The following HMG20A variants were observed in gnomAD, a reference collection of about 807,000 sequenced individuals.
HMG20A encodes high mobility group 20A.
In HMG20A, 17 loss-of-function variants were observed where a neutral mutation model predicts 43.9. The observed-to-expected ratio is 0.39, with a 90% confidence interval of 0.27 to 0.58. The LOEUF is 0.58. HMG20A is among the 20% of genes least tolerant of loss of function. The pLI, the probability that HMG20A is intolerant of heterozygous loss-of-function variation, is 0.59. For synonymous variants in HMG20A, 132 were observed against 147.5 expected (o/e 0.89, Z 0.76); for missense variants, 341 against 438.2 (o/e 0.78, Z 1.98).
chr15:77,467,036 T>G, intron 3 of HMG20A, 59 bp from the exon 4 acceptor site: 1 of 1,393,020 alleles, frequency 7.2e-7, no homozygotes, highest in Non-Finnish European at 1.0e-6. Context: ...TGTTGTTGGG[T>G]TATTTTGGGA....
chr15:77,435,283 G>C (rs1408474272), intron 1 of HMG20A, among the ~76,000 whole-genome samples: 1 of 152,024 alleles, frequency 6.6e-6, no homozygotes, highest in Non-Finnish European at 1.5e-5. Context: ...CATAATTTTT[G>C]TTTTATAGTC....
At chr15:77,422,820 A>T (rs1278686591) in intron 1 of HMG20A, among the ~76,000 whole-genome samples, 1 of 152,178 alleles carries the variant, frequency 6.6e-6, no homozygotes, top group Non-Finnish European at 1.5e-5. Context: ...AGCAAGACAA[A>T]ACATTGTCTT....
intron 1 of HMG20A, among the ~76,000 whole-genome samples, chr15:77,429,068 C>T (rs2073456841): frequency 6.6e-6 from 1 of 151,836 alleles, no homozygotes; most frequent in Non-Finnish European, 1.5e-5. Context: ...GTTGGCCGGG[C>T]ACAGTGGTTT....
At chr15:77,469,619 G>A (rs1346306531) in intron 4 of HMG20A, among the ~76,000 whole-genome samples, 4 of 152,206 alleles carry the variant, frequency 2.6e-5, no homozygotes, top group Non-Finnish European at 5.9e-5. Flanking sequence ...TTACAGATAT[G>A]AGCCACCATG....
intron 1 of HMG20A, among the ~76,000 whole-genome samples, chr15:77,457,294 GT>G (rs1394959942): frequency 6.6e-6 from 1 of 152,150 alleles, no homozygotes; most frequent in Non-Finnish European, 1.5e-5. Flanking sequence ...TTTAATTGCT[GT>G]TTCACCAGGT....
chr15:77,499,834 CTT>C, the HMG20A span, among the ~76,000 whole-genome samples: 70 of 145,344 alleles, frequency 4.8e-4, no homozygotes, highest in Admixed American at 8.2e-4. Context: ...TTTTTCTTTT[CTT>C]TTTTTTTTTT....
intron 1 of HMG20A, among the ~76,000 whole-genome samples, chr15:77,445,193 T>C (rs1166261835): frequency 6.6e-6 from 1 of 152,244 alleles, no homozygotes. Flanking sequence ...TTAGGATTTA[T>C]TGCCTGTAAA....
At chr15:77,428,268 AAAG>A (rs540528666) in intron 1 of HMG20A, among the ~76,000 whole-genome samples, 36 of 152,328 alleles carry the variant, frequency 2.4e-4, no homozygotes, top group Admixed American at 2.2e-3. Flanking sequence ...TGATGGTAAC[AAAG>A]AAGGAGGAAG....
At chr15:77,433,776 G>A (rs2073515370) in intron 1 of HMG20A, among the ~76,000 whole-genome samples, 1 of 152,190 alleles carries the variant, frequency 6.6e-6, no homozygotes, top group South Asian at 2.1e-4. Context: ...GGTAGTCATA[G>A]ATTGGAAGAC....
the HMG20A span, among the ~76,000 whole-genome samples, chr15:77,496,478 T>A: frequency 6.6e-6 from 1 of 152,222 alleles, no homozygotes; most frequent in Non-Finnish European, 1.5e-5. Flanking sequence ...TGTTTGCACA[T>A]ACCTTTGGTA....
chr15:77,467,377 G>T, intron 4 of HMG20A, 70 bp downstream of exon 4: 9 of 1,321,338 alleles, frequency 6.8e-6, no homozygotes. Context: ...TATAAGAAAA[G>T]CAAAGAGGAT....
chr15:77,515,153 A>G, the HMG20A span, among the ~76,000 whole-genome samples: 1 of 152,136 alleles, frequency 6.6e-6, no homozygotes, highest in African/African-American at 2.4e-5. Context: ...CCCAAAGACA[A>G]TGGGCTTGAA....
chr15:77,479,526 G>A (rs2072888068), intron 9 of HMG20A: 2 of 489,784 alleles, frequency 4.1e-6, no homozygotes, highest in Non-Finnish European at 3.6e-6. Flanking sequence ...TTGGGAGGCT[G>A]AGGTGGGAGG....
chr15:77,460,433 G>A (rs924466140), intron 2 of HMG20A, among the ~76,000 whole-genome samples: 3 of 152,160 alleles, frequency 2.0e-5, no homozygotes, highest in African/African-American at 7.2e-5. Context: ...AAGTGTGGGA[G>A]GGAATTGTAG....
At chr15:77,448,881 A>C (rs1241992116) in intron 1 of HMG20A, among the ~76,000 whole-genome samples, 1 of 151,968 alleles carries the variant, frequency 6.6e-6, no homozygotes, top group Non-Finnish European at 1.5e-5. Flanking sequence ...CAGGAGTTCA[A>C]GACCAGCTGG....
At chr15:77,463,736 A>G (rs909556980) in intron 2 of HMG20A, among the ~76,000 whole-genome samples, 1 of 152,224 alleles carries the variant, frequency 6.6e-6, no homozygotes, top group African/African-American at 2.4e-5. Context: ...AGATGATCTG[A>G]TTGTCACTAA....
intron 1 of HMG20A, 74 bp from the exon 2 acceptor site, chr15:77,458,330 G>A (rs951917445): frequency 2.2e-6 from 2 of 921,364 alleles, no homozygotes; most frequent in Admixed American, 2.0e-5. Context: ...CAAGAAGGCT[G>A]GCTCTTAAAT....
At chr15:77,440,481 AG>A (rs1437945899) in intron 1 of HMG20A, among the ~76,000 whole-genome samples, 1 of 152,210 alleles carries the variant, frequency 6.6e-6, no homozygotes, top group Non-Finnish European at 1.5e-5. Flanking sequence ...CAGTTAGGAT[AG>A]GCTAGGTTAT....
At chr15:77,500,654 C>T in the HMG20A span, among the ~76,000 whole-genome samples, 4 of 151,700 alleles carry the variant, frequency 2.6e-5, no homozygotes, top group African/African-American at 9.7e-5. Context: ...CTGCAACCTC[C>T]GCCTCCCGAG....
Sources: gnomAD v4.1 joint callset for allele counts (sites outside exome capture counted in the v4.1 genomes callset) on GRCh38, gnomAD v4.1.1 for gene constraint, MANE v1.5 for transcripts, NCBI Gene and HGNC (gene_info 2026-07-23, HGNC 2026-07-21) for gene names.